The following DNAJC1 variants were observed in gnomAD, a reference collection of about 807,000 sequenced individuals.
DNAJC1 encodes dnaJ homolog subfamily C member 1.
In DNAJC1, 58 loss-of-function variants were observed where a neutral mutation model predicts 76.6. The ratio of observed to expected loss-of-function variants is 0.76; its 90% CI spans 0.61 to 0.94. The LOEUF (loss-of-function observed/expected upper bound fraction) is 0.94. DNAJC1 is among the 40% of genes least tolerant of loss of function. DNAJC1 has a pLI of 0.00. For synonymous variants in DNAJC1, 258 were observed against 267.9 expected, an observed-to-expected ratio of 0.96 and a Z score of 0.36; for missense variants, 689 against 677.3, an observed-to-expected ratio of 1.02 and a Z score of -0.19.
chr10:21,919,186 C>T (rs1314046632), intron 5 of DNAJC1, among the ~76,000 whole-genome samples: 1 of 151,994 alleles, frequency 6.6e-6, no homozygotes, highest in Non-Finnish European at 1.5e-5. Context: ...CACTTTTGTA[C>T]AACGAATTCT....
At chr10:21,959,806 A>C (rs1453937390) in intron 1 of DNAJC1, among the ~76,000 whole-genome samples, 1 of 151,258 alleles carries the variant, frequency 6.6e-6, no homozygotes, top group Non-Finnish European at 1.5e-5. Flanking sequence ...AAAACAAAAA[A>C]AAAAAAAAGA....
chr10:21,773,542 C>T (rs1336248102), intron 9 of DNAJC1, among the ~76,000 whole-genome samples: 1 of 152,064 alleles, frequency 6.6e-6, no homozygotes, highest in Non-Finnish European at 1.5e-5. Context: ...TGTTGATGTC[C>T]TAGCATATAG....
intron 8 of DNAJC1, among the ~76,000 whole-genome samples, chr10:21,835,638 G>C (rs1835438225): frequency 3.9e-5 from 6 of 152,352 alleles, no homozygotes; most frequent in Admixed American, 3.9e-4. Context: ...TAAAGGACCT[G>C]ATGGAGCTGA....
intron 8 of DNAJC1, among the ~76,000 whole-genome samples, chr10:21,838,164 CG>C (rs1835503914): frequency 1.4e-5 from 2 of 141,520 alleles, no homozygotes; most frequent in Admixed American, 1.4e-4. Flanking sequence ...ATGACGATGG[CG>C]GTTTTGTCGA....
At chr10:21,864,974 T>G (rs531352386) in intron 8 of DNAJC1, among the ~76,000 whole-genome samples, 1 of 152,218 alleles carries the variant, frequency 6.6e-6, no homozygotes, top group East Asian at 1.9e-4. Flanking sequence ...ATGCTCGGCA[T>G]TATTAATCTT....
Position 22,002,903 on chromosome 10 carries a change from C to T in DNAJC1, c.222+310G>A, listed in dbSNP as rs117872210. Among the ~76,000 whole-genome samples the T allele has an allele frequency of 7.5e-3, 1,136 of 152,038 alleles. 6 individuals carry two copies. Among genetic ancestry groups the T allele is most frequent in the Non-Finnish European group, 0.013 (862 of 67,934 alleles). ...CCCACACCACTCTTCGTTCTTCCTC[C>T]AGCACAGCTGGAGGGGGAAGGCTCT... On this transcript the variant is annotated intron_variant, in intron 1 of 11. Transcript: ENST00000376980.
At chr10:21,897,994 C>A (rs1358460520) in intron 7 of DNAJC1, among the ~76,000 whole-genome samples, 1 of 152,164 alleles carries the variant, frequency 6.6e-6, no homozygotes, top group Non-Finnish European at 1.5e-5. Flanking sequence ...ATTAAAAAAT[C>A]TTAGCACTAA....
chr10:21,806,052 C>T lies in DNAJC1; in HGVS notation c.1026G>A (p.Met342Ile). The T allele has an allele frequency of 3.7e-6, 6 of 1,612,112 alleles. No individual in the cohort carries two copies. Among genetic ancestry groups the T allele is most frequent in the Non-Finnish European group, 5.1e-6 (6 of 1,179,684 alleles). ...CTGGAGTCCCTCCTGGGAACTTAAC[C>T]ATACTTCTTGTCAGTTGGCTGAGGT... Reference protein sequence around the residue: ...EEDLSQLTRSMVKFPGGTPGR... With the variant: ...EEDLSQLTRSIVKFPGGTPGR... Residue 342 changes from methionine (M) to isoleucine (I), a missense_variant, in exon 9 of 12, where the codon ATG becomes ATA. Coordinates refer to ENST00000376980, the MANE Select transcript of DNAJC1 (RefSeq NM_022365.4).
intron 9 of DNAJC1, among the ~76,000 whole-genome samples, chr10:21,800,845 T>C (rs1834805287): frequency 6.6e-6 from 1 of 152,106 alleles, no homozygotes; most frequent in African/African-American, 2.4e-5. Context: ...GTGTATTCTT[T>C]GATGTTTTCT....
chr10:21,775,315 C>T (rs913829576), intron 9 of DNAJC1, among the ~76,000 whole-genome samples: 1 of 137,466 alleles, frequency 7.3e-6, no homozygotes, highest in East Asian at 2.3e-4. Flanking sequence ...TTCATAAAAA[C>T]GTTAACTGCA....
intron 1 of DNAJC1, among the ~76,000 whole-genome samples, chr10:21,992,288 G>A (rs1838338052): frequency 6.6e-6 from 1 of 152,232 alleles, no homozygotes; most frequent in East Asian, 1.9e-4. Flanking sequence ...ACCAGCCTGG[G>A]CGACAGAACG....
intron 8 of DNAJC1, among the ~76,000 whole-genome samples, chr10:21,834,195 T>C (rs1590002535): frequency 6.6e-6 from 1 of 151,034 alleles, no homozygotes; most frequent in South Asian, 2.1e-4. Context: ...ACCTGGGAGG[T>C]GGAGCTTGCA....
chr10:21,861,946 T>C (rs904967907), intron 8 of DNAJC1, among the ~76,000 whole-genome samples: 2 of 152,018 alleles, frequency 1.3e-5, no homozygotes, highest in African/African-American at 4.8e-5. Flanking sequence ...GAGATGGAGT[T>C]TCCCTCTTGT....
intron 1 of DNAJC1, among the ~76,000 whole-genome samples, chr10:21,943,304 C>T (rs1837450560): frequency 6.6e-6 from 1 of 152,128 alleles, no homozygotes. Flanking sequence ...GGGAAAAAAG[C>T]TAGTTCTTTT....
At chr10:21,902,083 T>C (rs982926842) in intron 7 of DNAJC1, among the ~76,000 whole-genome samples, 17 of 152,302 alleles carry the variant, frequency 1.1e-4, no homozygotes, top group South Asian at 6.2e-4. Flanking sequence ...ACCATCACCT[T>C]TTCTAAATAT....
At chr10:21,974,122 GA>G (rs1838026984) in intron 1 of DNAJC1, among the ~76,000 whole-genome samples, 1 of 149,734 alleles carries the variant, frequency 6.7e-6, no homozygotes, top group Non-Finnish European at 1.5e-5. Context: ...AAAGAAAAAA[GA>G]AAAAAAGGAA....
intron 10 of DNAJC1, among the ~76,000 whole-genome samples, chr10:21,765,862 A>G (rs1834294514): frequency 6.6e-6 from 1 of 152,056 alleles, no homozygotes; most frequent in South Asian, 2.1e-4. Context: ...GGAAACATAA[A>G]TGCCTGGGAA....
chr10:21,869,859 G>C (rs1010585222), intron 8 of DNAJC1, among the ~76,000 whole-genome samples: 2 of 152,112 alleles, frequency 1.3e-5, no homozygotes, highest in African/African-American at 2.4e-5. Context: ...AGGAAAAACT[G>C]GGTGACAGGT....
At chr10:21,838,642 AT>A (rs200799844) in intron 8 of DNAJC1, among the ~76,000 whole-genome samples, 94 of 152,206 alleles carry the variant, frequency 6.2e-4, no homozygotes, top group African/African-American at 2.1e-3. Flanking sequence ...AGAAAAAAAA[AT>A]AATAATGGGA....
Sources: allele counts gnomAD v4.1 joint callset (sites outside exome capture counted in the v4.1 genomes callset), GRCh38; gene constraint gnomAD v4.1.1; transcripts MANE v1.5; gene names NCBI Gene and HGNC (gene_info 2026-07-23, HGNC 2026-07-21).